Variants in CDKL5 observed in about 807,000 individuals in gnomAD.
CDKL5 encodes the protein cyclin-dependent kinase-like 5.
A neutral mutation model predicts 61.7 loss-of-function variants in CDKL5; 8 were observed. The ratio of observed to expected loss-of-function variants is 0.13; its 90% CI spans 0.08 to 0.23. CDKL5 has a LOEUF of 0.23. Ranked by LOEUF, CDKL5 falls within the 10% of genes least tolerant of loss-of-function variation. The probability of loss-of-function intolerance (pLI) is 1.00; values close to 1 mark genes in which losing one functional copy is unlikely to be tolerated. For synonymous variants in CDKL5, 275 were observed against 272.3 expected (o/e 1.01, Z -0.10); for missense variants, 440 against 734.5 (o/e 0.60, Z 4.63).
intron 3 of CDKL5, among the ~76,000 whole-genome samples, chrX:18,546,411 G>A (rs1924202577): frequency 1.8e-5 from 2 of 108,709 alleles, no homozygotes; most frequent in South Asian, 4.1e-4. Context: ...ACAGGCGCCC[G>A]CCACCACACC....
At chrX:18,565,792 G>A (rs950712396) in intron 4 of CDKL5, among the ~76,000 whole-genome samples, 11 of 112,209 alleles carry the variant, frequency 9.8e-5, no homozygotes, top group African/African-American at 2.9e-4. Flanking sequence ...GGCTTAAAGG[G>A]AAGGTAAAAA....
chrX:18,529,963 G>C (rs1381615564), intron 3 of CDKL5, among the ~76,000 whole-genome samples: 6 of 110,508 alleles, frequency 5.4e-5, no homozygotes, highest in Non-Finnish European at 1.1e-4. Context: ...TTTTCTCTTC[G>C]TATTCCAATT....
At chrX:18,533,615 G>T (rs776355906) in intron 3 of CDKL5, among the ~76,000 whole-genome samples, 77 of 111,729 alleles carry the variant, frequency 6.9e-4, no homozygotes, top group Non-Finnish European at 9.8e-4. Flanking sequence ...TATTGTCAGG[G>T]ACTTGACCTC....
intron 3 of CDKL5, among the ~76,000 whole-genome samples, chrX:18,562,483 A>G (rs1209033840): frequency 8.9e-6 from 1 of 112,330 alleles, no homozygotes; most frequent in Non-Finnish European, 1.9e-5. Flanking sequence ...TACTACTACC[A>G]TTTGAGAAAA....
At chrX:18,563,893 T>G in intron 3 of CDKL5, among the ~76,000 whole-genome samples, 1 of 112,161 alleles carries the variant, frequency 8.9e-6, no homozygotes, top group Non-Finnish European at 1.9e-5. Context: ...TTTCATATTT[T>G]CTTTTAAAGC....
At chrX:18,545,108 AGCCTGTAGTCCCAG>A (rs1470880765) in intron 3 of CDKL5, among the ~76,000 whole-genome samples, 3 of 110,159 alleles carry the variant, frequency 2.7e-5, no homozygotes, top group Non-Finnish European at 3.8e-5. Context: ...CACAGATAGT[AGCCTGTAGTCCCAG>A]CTACTCAGAG....
At chrX:18,528,237 ATTTT>A (rs749197887) in intron 3 of CDKL5, among the ~76,000 whole-genome samples, 2 of 68,440 alleles carry the variant, frequency 2.9e-5, no homozygotes, top group Non-Finnish European at 5.6e-5. Context: ...ACCCATACTC[ATTTT>A]TTTTTTTTTT....
intron 11 of CDKL5, among the ~76,000 whole-genome samples, chrX:18,601,532 T>G (rs1276463351): frequency 8.9e-6 from 1 of 112,361 alleles, no homozygotes; most frequent in Non-Finnish European, 1.9e-5. Context: ...ATTGTTGCAC[T>G]TTGGCAGAGC....
intron 1 of CDKL5, among the ~76,000 whole-genome samples, chrX:18,459,516 C>T (rs1463845924): frequency 3.7e-5 from 4 of 107,892 alleles, no homozygotes; most frequent in African/African-American, 1.0e-4. Flanking sequence ...GAGCCAAGAT[C>T]GCGCCACTGC....
intron 1 of CDKL5, among the ~76,000 whole-genome samples, chrX:18,480,344 CACGTAAGTAA>C (rs2147072254): frequency 9.0e-6 from 1 of 111,552 alleles, no homozygotes; most frequent in South Asian, 3.7e-4. Flanking sequence ...GGAGGAAGAC[CACGTAAGTAA>C]AGTGTCATTT....
intron 1 of CDKL5, among the ~76,000 whole-genome samples, chrX:18,496,965 T>G (rs1490019482): frequency 9.1e-6 from 1 of 110,068 alleles, no homozygotes; most frequent in African/African-American, 3.3e-5. Flanking sequence ...AAGAAGGAGT[T>G]TGTTCAGTCA....
chrX:18,500,011 C>T (rs923824614), intron 1 of CDKL5, among the ~76,000 whole-genome samples: 6 of 111,404 alleles, frequency 5.4e-5, no homozygotes, highest in Non-Finnish European at 1.1e-4. Context: ...TTATCTAGAT[C>T]GCCCAGATGA....
chrX:18,482,816 A>T (rs1362364789), intron 1 of CDKL5, among the ~76,000 whole-genome samples: 1 of 111,607 alleles, frequency 9.0e-6, no homozygotes, highest in Non-Finnish European at 1.9e-5. Context: ...TAGATTTAGC[A>T]TAGTTCTAAA....
At chrX:18,623,833 C>CTT (rs375044523) in intron 16 of CDKL5, 294 of 590,083 alleles carry the variant, frequency 5.0e-4, no homozygotes, top group South Asian at 6.2e-4. Flanking sequence ...AATAAGAGCA[C>CTT]TTTTTTTTTT....
chrX:18,459,421 G>A lies in CDKL5; in HGVS notation c.-163+33726G>A, dbSNP rs745660957. ...AAAAATACAAAAAAAAATTAGCCAG[G>A]CATGGTAGTGGGCGACTGTAATCCC... is the stretch of plus-strand genomic sequence containing the variant. On this transcript the variant is annotated intron_variant, in intron 1 of 17. Coordinates refer to ENST00000623535, the MANE Select transcript of CDKL5 (RefSeq NM_001323289.2). Among the ~76,000 whole-genome samples the A allele has an allele frequency of 2.7e-5, 3 of 109,497 alleles. No individual in the cohort carries two copies. The East Asian group carries it at 8.8e-4, about 32-fold the overall frequency.
chrX:18,440,815 A>G (rs1294654138), intron 1 of CDKL5, among the ~76,000 whole-genome samples: 2 of 111,421 alleles, frequency 1.8e-5, no homozygotes, highest in African/African-American at 3.3e-5. Context: ...CTAGTTAGGA[A>G]TTGGTGTAGC....
chrX:18,499,783 A>T (rs1176354610), intron 1 of CDKL5, among the ~76,000 whole-genome samples: 4 of 111,452 alleles, frequency 3.6e-5, no homozygotes, highest in Non-Finnish European at 5.7e-5. Flanking sequence ...AGTTGTTTCT[A>T]TTGGTTCTTG....
At chrX:18,544,635 G>A (rs1031194262) in intron 3 of CDKL5, among the ~76,000 whole-genome samples, 8 of 111,734 alleles carry the variant, frequency 7.2e-5, no homozygotes, top group Non-Finnish European at 1.5e-4. Flanking sequence ...TTCTTTCAGC[G>A]ACGTGACAAC....
chrX:18,467,049 C>T, intron 1 of CDKL5, among the ~76,000 whole-genome samples: 1 of 111,587 alleles, frequency 9.0e-6, no homozygotes, highest in East Asian at 2.8e-4. Flanking sequence ...GTATGCCAGA[C>T]ACATCTGACA....
Sources: allele counts gnomAD v4.1 joint callset (sites outside exome capture counted in the v4.1 genomes callset), GRCh38; gene constraint gnomAD v4.1.1; transcripts MANE v1.5; gene names NCBI Gene and HGNC (gene_info 2026-07-23, HGNC 2026-07-21).